Variants in REG3A observed in about 807,000 individuals in gnomAD.
REG3A encodes regenerating family member 3 alpha.
A neutral mutation model predicts 20.5 loss-of-function variants in REG3A; 15 were observed. The ratio of observed to expected loss-of-function variants is 0.73; its 90% CI spans 0.49 to 1.12. REG3A has a LOEUF of 1.12. Ranked by LOEUF, REG3A falls within the 50% of genes most tolerant of loss-of-function variation. The probability of loss-of-function intolerance (pLI) is 0.00; values close to 1 mark genes in which losing one functional copy is unlikely to be tolerated. For synonymous variants in REG3A, 93 were observed against 83.2 expected (o/e 1.12, Z -0.64); for missense variants, 224 against 213.1 (o/e 1.05, Z -0.32).
At chr2:79,158,208 A>C in intron 4 of REG3A, 118 bp downstream of exon 4, 1 of 1,222,342 alleles carries the variant, frequency 8.2e-7, no homozygotes, top group Non-Finnish European at 1.1e-6. Flanking sequence ...AATATTCCCC[A>C]GAATCTGAGC....
In REG3A at chr2:79,159,441, T is replaced by C. The variant is rs766640942; in HGVS notation, c.-34-2A>G. On this transcript the variant is annotated splice_acceptor_variant, in intron 1 of 5. Transcript: ENST00000305165. LOFTEE classifies it low-confidence loss of function (5UTR_SPLICE). ...ACTTGAGGAGGCAATCAGGAGTCAC[T>C]AAAGAAAGCGTGGTCAGTGGGAGAA... 2 of 1,606,712 alleles carry C rather than the reference T, an allele frequency of 1.2e-6. No homozygotes were observed. Among genetic ancestry groups the C allele is most frequent in the Admixed American group, 1.7e-5 (1 of 59,952 alleles).
intron 4 of REG3A, 125 bp downstream of exon 4, chr2:79,158,201 A>G: frequency 8.7e-6 from 10 of 1,147,120 alleles, no homozygotes; most frequent in South Asian, 8.0e-5. Context: ...CCCCCCAAAT[A>G]TTCCCCAGAA....
intron 4 of REG3A, 96 bp downstream of exon 4, chr2:79,158,230 C>T: frequency 7.0e-7 from 1 of 1,432,692 alleles, no homozygotes; most frequent in Non-Finnish European, 9.5e-7. Flanking sequence ...CCAGTGCTCC[C>T]TGAAGTACTT....
At chr2:79,159,481 A>G in intron 1 of REG3A, 42 bp from the exon 2 acceptor site, 3 of 1,418,408 alleles carry the variant, frequency 2.1e-6, no homozygotes, top group Non-Finnish European at 3.0e-6. Context: ...CAGATACCCC[A>G]CTGCCTCATG....
Position 79,158,666 on chromosome 2 carries a change from G to A in REG3A, c.180C>T (p.Ser60=). ...AACCACTCACATCTGCATCTGTCCA[G>A]GATTTTGGTGACAAAAACAAGGCAT... ...HCYALFLSPK[S]WTDADLACQK... Residue 60 remains serine (S), a synonymous_variant, in exon 3 of 6, where the codon TCC becomes TCT. Transcript: ENST00000305165. 3 of 1,614,180 alleles carry A rather than the reference G, an allele frequency of 1.9e-6. No individual in the cohort carries two copies. Among genetic ancestry groups the A allele is most frequent in the African/African-American group, 2.7e-5 (2 of 75,072 alleles).
At chr2:79,159,196 G>A (rs1457792716) in intron 2 of REG3A, 134 bp downstream of exon 2, 2 of 884,388 alleles carry the variant, frequency 2.3e-6, no homozygotes, top group South Asian at 1.6e-5. Flanking sequence ...GAAGGAAGGA[G>A]AGATGATGCA....
chr2:79,157,187 G>A lies in REG3A; in HGVS notation c.*39C>T, dbSNP rs980853173. ...CACACTGGTCTCATGCCCATGATGA[G>A]TTGCACACCAAACACAGGCTGCTGA... On this transcript the variant is annotated 3_prime_UTR_variant, in exon 6 of 6. Transcript: ENST00000305165. 6.5e-7 allele frequency: 1 copy of A among 1,541,656 alleles called. No individual in the cohort carries two copies. The highest frequency in any genetic ancestry group is 1.7e-5 in the Admixed American group (1 of 59,926).
rs887568017 is a variant in REG3A, at chr2:79,158,824, A to T, written c.77-55T>A. ...AATGAAGAGTGGGGCTTGGGGTGGG[A>T]GATGACCTTGGGGAATACCTAGGAA... On this transcript the variant is annotated intron_variant, in intron 2 of 5. Coordinates refer to ENST00000305165, the MANE Select transcript of REG3A (RefSeq NM_002580.3). The T allele has an allele frequency of 3.5e-6, 5 of 1,417,468 alleles. No individual in the cohort carries two copies. In the Admixed American group the frequency reaches 7.1e-5, roughly 20 times the overall value. 87.8% of individuals were successfully genotyped at this position (1,417,468 alleles called of 1,614,324 possible). A position where few individuals can be genotyped will look rare whatever the true frequency, so the allele number is the denominator to read the frequency against.
intron 1 of REG3A, 77 bp from the exon 2 acceptor site, chr2:79,159,516 G>A (rs1673400346): frequency 3.0e-6 from 3 of 1,008,344 alleles, no homozygotes; most frequent in Non-Finnish European, 4.6e-6. Flanking sequence ...TAGTCCCCTA[G>A]GACTAAAGTG....
Position 79,157,960 on chromosome 2 carries a change from C to A in REG3A, c.334-262G>T, listed in dbSNP as rs145689287. Among the ~76,000 whole-genome samples, 206 of 152,282 alleles carry A rather than the reference C, an allele frequency of 1.4e-3. 7 individuals are homozygous for A. The East Asian group carries it at 0.034, about 25-fold the overall frequency. On this transcript the variant is annotated intron_variant, in intron 4 of 5. Coordinates refer to ENST00000305165, the MANE Select transcript of REG3A (RefSeq NM_002580.3). ...TAATTGATGTAGCATTTGTGATTAG[C>A]TTGTGAACCTCAAAAGTAATGTCAG... is the stretch of plus-strand genomic sequence containing the variant.
intron 5 of REG3A, 102 bp from the exon 6 acceptor site, chr2:79,157,395 A>T: frequency 6.9e-7 from 1 of 1,446,980 alleles, no homozygotes; most frequent in Non-Finnish European, 9.6e-7. Context: ...CCTCTCCCTC[A>T]CCTTCACCAG....
Position 79,157,653 on chromosome 2 carries a change from C to T in REG3A, c.379G>A (p.Val127Met), listed in dbSNP as rs753973300. 4 of 1,614,026 alleles carry T rather than the reference C, an allele frequency of 2.5e-6. No individual in the cohort carries two copies. The highest frequency in any genetic ancestry group is 3.4e-6 in the Non-Finnish European group (4 of 1,180,018). Residue 127 changes from valine (V) to methionine (M), a missense_variant, in exon 5 of 6, where the codon GTG becomes ATG. By Grantham distance (21) the Val-to-Met change is conservative. Transcript: ENST00000305165. The stretch of plus-strand genomic sequence containing the variant: ...CTCTCCCATGCAAAGTAATTCATCA[C>T]ATCACTGCTACTCCACTCCCAACCT... ...GEGWEWSSSD[V>M]MNYFAWERNP...
intron 2 of REG3A, 82 bp from the exon 3 acceptor site, chr2:79,158,851 G>T: frequency 9.3e-7 from 1 of 1,079,612 alleles, no homozygotes; most frequent in Non-Finnish European, 1.4e-6. Flanking sequence ...ACCTAGGAAT[G>T]TCCTTGGGGA....
At chr2:79,159,240 A>G (rs1302095996) in intron 2 of REG3A, 90 bp downstream of exon 2, 5 of 1,383,068 alleles carry the variant, frequency 3.6e-6, no homozygotes, top group African/African-American at 1.4e-5. Context: ...ACACCACGTC[A>G]TTACCTCACA....
At chr2:79,158,878 G>C in intron 2 of REG3A, 109 bp from the exon 3 acceptor site, 1 of 768,230 alleles carries the variant, frequency 1.3e-6, no homozygotes, top group Non-Finnish European at 2.1e-6. Context: ...CCACATTCCT[G>C]ACACCCCTTC....
Position 79,157,704 on chromosome 2 carries a change from G to A in REG3A, c.334-6C>T. The stretch of plus-strand genomic sequence containing the variant: ...TCTCCATTGGGCTCGGTGCCCTGTA[G>A]AGTAGAGGAGGTAGCCAGGTGAAGG... On this transcript the variant is annotated splice_polypyrimidine_tract_variant and splice_region_variant and intron_variant, in intron 4 of 5. Coordinates refer to ENST00000305165, the MANE Select transcript of REG3A (RefSeq NM_002580.3). The A allele has an allele frequency of 6.2e-7, 1 of 1,613,202 alleles. No homozygotes were observed. The highest frequency in any genetic ancestry group is 1.1e-5 in the South Asian group (1 of 90,974).
intron 2 of REG3A, 37 bp from the exon 3 acceptor site, chr2:79,158,806 A>G: frequency 4.6e-6 from 7 of 1,506,264 alleles, no homozygotes; most frequent in Non-Finnish European, 6.4e-6. Flanking sequence ...TAAAATGAAG[A>G]GTGGGGCTTG....
intron 5 of REG3A, 31 bp from the exon 6 acceptor site, chr2:79,157,324 G>A: frequency 6.2e-7 from 1 of 1,600,392 alleles, no homozygotes; most frequent in Non-Finnish European, 8.6e-7. Context: ...AATGGAATGG[G>A]GCTGAGGAAG....
Position 79,158,356 on chromosome 2 carries a change from G to A in REG3A, c.303C>T (p.Tyr101=), listed in dbSNP as rs924972965. 26 of 1,613,986 alleles carry A rather than the reference G, an allele frequency of 1.6e-5. No homozygotes were observed. The highest frequency in any genetic ancestry group is 1.6e-4 in the Middle Eastern group (1 of 6,084). Residue 101 remains tyrosine, a synonymous_variant, in exon 4 of 6, where the codon TAC becomes TAT. Coordinates refer to ENST00000305165, the MANE Select transcript of REG3A (RefSeq NM_002580.3). Reference sequence around the variant, plus strand: ...TGGGGTCATGGAGCCCAATCCAGACGTATGAGTAGCTGTTACCAATGCTCT... The same window carrying A: ...TGGGGTCATGGAGCCCAATCCAGACATATGAGTAGCTGTTACCAATGCTCT... ...LVKSIGNSYS[Y]VWIGLHDPTQ... is the part of the protein sequence containing the mutation.
Sources: allele counts gnomAD v4.1 joint callset (sites outside exome capture counted in the v4.1 genomes callset), GRCh38; gene constraint gnomAD v4.1.1; transcripts MANE v1.5; gene names NCBI Gene and HGNC (gene_info 2026-07-23, HGNC 2026-07-21).